RAB2A: variants seen among roughly 807,000 people sequenced by gnomAD.
RAB2A encodes ras-related protein Rab-2A.
In RAB2A, 7 loss-of-function variants were observed where a neutral mutation model predicts 32.5. The ratio of observed to expected loss-of-function variants is 0.22; its 90% confidence interval spans 0.12 to 0.40. The LOEUF (loss-of-function observed/expected upper bound fraction) is 0.40. RAB2A is among the 10% of genes least tolerant of loss of function. RAB2A has a pLI of 1.00. For synonymous variants in RAB2A, 79 were observed against 85.2 expected (o/e 0.93, Z 0.40); for missense variants, 108 against 260.7 (o/e 0.41, Z 4.03).
intron 1 of RAB2A, chr8:60,552,453 A>G (rs1467160170): frequency 6.6e-6 from 1 of 152,184 alleles, no homozygotes; most frequent in Non-Finnish European, 1.5e-5. Flanking sequence ...TCACTTTTAT[A>G]AGTTATAGGG....
intron 1 of RAB2A, among the ~76,000 whole-genome samples, chr8:60,555,429 A>G (rs1000532854): frequency 6.6e-6 from 1 of 152,222 alleles, no homozygotes; most frequent in African/African-American, 2.4e-5. Context: ...CAATCAATAG[A>G]GTGAAAACAC....
intron 6 of RAB2A, chr8:60,592,247 A>G (rs2130854199): frequency 9.1e-6 from 2 of 220,932 alleles, no homozygotes; most frequent in South Asian, 9.2e-5. Flanking sequence ...TGAGAGTTAT[A>G]TTTTAATCAC....
At position 60,623,532 on chromosome 8, in the gene RAB2A, C is replaced by T. The variant is rs532229861; in HGVS notation, c.*2763C>T. The T allele has an allele frequency of 2.6e-5, 4 of 152,136 alleles. No homozygotes were observed. The highest frequency in any genetic ancestry group is 4.4e-5 in the Non-Finnish European group (3 of 68,032). 9.4% of individuals were successfully genotyped at this position (152,136 alleles called of 1,614,324 possible). On this transcript the variant is annotated 3_prime_UTR_variant, in exon 8 of 8. Coordinates refer to ENST00000262646, the MANE Select transcript of RAB2A (RefSeq NM_002865.3). The stretch of plus-strand genomic sequence containing the variant: ...CTGTTTCATAATAAACAGGAATTGA[C>T]TATACAAATAGGTAAACCAGCATAT...
At chr8:60,545,667 A>C (rs1460220116) in intron 1 of RAB2A, among the ~76,000 whole-genome samples, 1 of 152,190 alleles carries the variant, frequency 6.6e-6, no homozygotes. Flanking sequence ...ATGGTGTCCT[A>C]CTGAGGGACA....
intron 1 of RAB2A, among the ~76,000 whole-genome samples, chr8:60,523,640 CAT>C (rs1056851006): frequency 2.0e-5 from 3 of 151,266 alleles, no homozygotes; most frequent in Admixed American, 2.0e-4. Context: ...AGAGCTGAAA[CAT>C]ATCTTTTAAC....
At chr8:60,539,276 G>T (rs149678175) in intron 1 of RAB2A, among the ~76,000 whole-genome samples, 2 of 152,306 alleles carry the variant, frequency 1.3e-5, no homozygotes, top group East Asian at 3.9e-4. Flanking sequence ...AAGTATGTAC[G>T]TATAGAGTAA....
At chr8:60,588,523 C>T (rs1803883896) in intron 5 of RAB2A, among the ~76,000 whole-genome samples, 1 of 152,132 alleles carries the variant, frequency 6.6e-6, no homozygotes, top group African/African-American at 2.4e-5. Flanking sequence ...ACTATTGATA[C>T]ATGCAGCAAA....
Position 60,622,359 on chromosome 8 carries a change from T to C in RAB2A, c.*1590T>C, listed in dbSNP as rs1184794372. On this transcript the variant is annotated 3_prime_UTR_variant, in exon 8 of 8. Coordinates refer to ENST00000262646, the MANE Select transcript of RAB2A (RefSeq NM_002865.3). The stretch of plus-strand genomic sequence containing the variant: ...CTCTCTCAAAGGTTTGACAGTACTC[T>C]TGTGGGAAATCACCAAATGCTGTCA... 3 of 152,242 alleles carry C rather than the reference T, an allele frequency of 2.0e-5. No homozygotes were observed. The highest frequency in any genetic ancestry group is 4.4e-5 in the Non-Finnish European group (3 of 68,026). The allele number at this position is 152,242 out of a possible 1,614,324, so 9.4% of individuals were successfully genotyped here.
intron 1 of RAB2A, among the ~76,000 whole-genome samples, chr8:60,523,617 C>G (rs1205139102): frequency 1.3e-5 from 2 of 151,416 alleles, no homozygotes; most frequent in African/African-American, 4.8e-5. Context: ...TTAGCTGTTT[C>G]ATTTATCAAA....
intron 3 of RAB2A, chr8:60,576,231 C>T (rs778646407): frequency 1.1e-5 from 5 of 456,166 alleles, no homozygotes; most frequent in Non-Finnish European, 1.8e-5. Context: ...TCTTTTCTGC[C>T]AGGGGAAGTC....
At chr8:60,563,840 G>A (rs1398749384) in intron 2 of RAB2A, among the ~76,000 whole-genome samples, 1 of 152,070 alleles carries the variant, frequency 6.6e-6, no homozygotes, top group Non-Finnish European at 1.5e-5. Flanking sequence ...TCCTTACCCA[G>A]ATTCAACTTT....
chr8:60,579,430 G>A (rs949534270), intron 3 of RAB2A, among the ~76,000 whole-genome samples: 1 of 152,154 alleles, frequency 6.6e-6, no homozygotes, highest in African/African-American at 2.4e-5. Context: ...CCCCAAGTTT[G>A]TTTTGTGGTG....
Position 60,518,596 on chromosome 8 carries a change from CAAAAAAAAAAAA to C in RAB2A, c.46+1359_46+1370del, listed in dbSNP as rs59503766. On this transcript the variant is annotated intron_variant, in intron 1 of 7. Coordinates refer to ENST00000262646, the MANE Select transcript of RAB2A (RefSeq NM_002865.3). ...ACTTGAGCCCGGAAGGTGGAGTTTG[CAAAAAAAAAAAA>C]AAAAAAAAAAAAAAAGCATATTTAT... Among the ~76,000 whole-genome samples the C allele has an allele frequency of 2.4e-4, 11 of 45,512 alleles. No homozygotes were observed. The Admixed American group carries it at 2.6e-3, about 11-fold the overall frequency. The allele number at this position is 45,512 out of a possible 152,430, so 29.9% of individuals were successfully genotyped here. A position where few individuals can be genotyped will look rare whatever the true frequency, so the allele number is the denominator to read the frequency against.
intron 6 of RAB2A, among the ~76,000 whole-genome samples, chr8:60,593,067 C>T (rs1586103193): frequency 6.6e-6 from 1 of 152,318 alleles, no homozygotes; most frequent in East Asian, 1.9e-4. Context: ...TTCTGATTAA[C>T]CCTTGAACCT....
At chr8:60,542,332 G>A (rs1016961184) in intron 1 of RAB2A, among the ~76,000 whole-genome samples, 6 of 152,098 alleles carry the variant, frequency 3.9e-5, no homozygotes, top group Admixed American at 6.5e-5. Flanking sequence ...TGGCTAACAC[G>A]GTGAAACCCC....
At chr8:60,568,444 A>G (rs1808148923) in intron 2 of RAB2A, among the ~76,000 whole-genome samples, 1 of 152,244 alleles carries the variant, frequency 6.6e-6, no homozygotes, top group African/African-American at 2.4e-5. Context: ...ATTATACCTA[A>G]CATATTAAAT....
At chr8:60,592,051 G>A in intron 6 of RAB2A, 82 bp downstream of exon 6, 1 of 813,404 alleles carries the variant, frequency 1.2e-6, no homozygotes, top group Non-Finnish European at 1.9e-6. Context: ...TATTATTTAA[G>A]TTTTTAGTCG....
chr8:60,591,797 A>G lies in RAB2A; in HGVS notation c.363-61A>G, dbSNP rs1388399847. On this transcript the variant is annotated intron_variant, in intron 5 of 7. Coordinates refer to ENST00000262646, the MANE Select transcript of RAB2A (RefSeq NM_002865.3). ...CTTTGAATTCCATGGTACACTTTCC[A>G]CAAATGCTTCTGTTTGTACCATGTT... 10 of 1,097,732 alleles carry G rather than the reference A, an allele frequency of 9.1e-6. No homozygotes were observed. The African/African-American group carries it at 1.3e-4, about 14-fold the overall frequency. 68.0% of individuals were successfully genotyped at this position (1,097,732 alleles called of 1,614,324 possible). A position where few individuals can be genotyped will look rare whatever the true frequency, so the allele number is the denominator to read the frequency against.
intron 6 of RAB2A, among the ~76,000 whole-genome samples, chr8:60,601,885 C>G (rs1271581067): frequency 6.6e-6 from 1 of 152,020 alleles, no homozygotes; most frequent in Non-Finnish European, 1.5e-5. Context: ...GGTGTTAAGC[C>G]TCATTTTATT....
Sources: allele counts gnomAD v4.1 joint callset (sites outside exome capture counted in the v4.1 genomes callset), GRCh38; gene constraint gnomAD v4.1.1; transcripts MANE v1.5; gene names NCBI Gene and HGNC (gene_info 2026-07-23, HGNC 2026-07-21).